Variants in HS6ST3 observed in about 807,000 individuals in gnomAD.
The protein encoded by HS6ST3 is heparan sulfate 6-O-sulfotransferase 3, also known as heparan-sulfate 6-O-sulfotransferase 3.
A neutral mutation model predicts 36.7 loss-of-function variants in HS6ST3; 12 were observed. The ratio of observed to expected loss-of-function variants is 0.33; its 90% CI spans 0.21 to 0.53. The LOEUF (loss-of-function observed/expected upper bound fraction) is 0.53. HS6ST3 is among the 20% of genes least tolerant of loss of function. The probability of loss-of-function intolerance (pLI) is 0.95; values close to 1 mark genes in which losing one functional copy is unlikely to be tolerated. For synonymous variants in HS6ST3, 240 were observed against 257.5 expected, an observed-to-expected ratio of 0.93 and a Z score of 0.65; for missense variants, 584 against 640.9, an observed-to-expected ratio of 0.91 and a Z score of 0.96.
chr13:96,490,399 A>C (rs1317130691), intron 1 of HS6ST3, among the ~76,000 whole-genome samples: 1 of 152,102 alleles, frequency 6.6e-6, no homozygotes. Flanking sequence ...ATAAACAAGC[A>C]TTTTCAGTGT....
chr13:96,657,001 G>C (rs1356889810), intron 1 of HS6ST3, among the ~76,000 whole-genome samples: 1 of 146,766 alleles, frequency 6.8e-6, no homozygotes, highest in Non-Finnish European at 1.5e-5. Context: ...GTGTGTGTGA[G>C]AGAGAGAGAG....
chr13:96,682,478 C>T (rs1318680818), intron 1 of HS6ST3, among the ~76,000 whole-genome samples: 1 of 152,074 alleles, frequency 6.6e-6, no homozygotes, highest in Non-Finnish European at 1.5e-5. Flanking sequence ...AGAATTATCA[C>T]AGGAGCTCTG....
chr13:96,440,493 AGAAAGGAAAG>A (rs544712773), intron 1 of HS6ST3, among the ~76,000 whole-genome samples: 5 of 72,162 alleles, frequency 6.9e-5, no homozygotes, highest in South Asian at 5.1e-4. Context: ...AGGGGAGAGG[AGAAAGGAAAG>A]GAAAGGAAAG....
At chr13:96,591,610 G>T (rs2056382484) in intron 1 of HS6ST3, among the ~76,000 whole-genome samples, 2 of 151,974 alleles carry the variant, frequency 1.3e-5, no homozygotes, top group African/African-American at 4.8e-5. Context: ...AATCTTTAGG[G>T]TTTTCCAAAT....
intron 1 of HS6ST3, among the ~76,000 whole-genome samples, chr13:96,324,463 A>C (rs2055020441): frequency 2.0e-5 from 3 of 152,222 alleles, no homozygotes; most frequent in Admixed American, 2.0e-4. Context: ...TATATTAAAG[A>C]ATTCAAGGGA....
chr13:96,238,109 T>C (rs1192788584), intron 1 of HS6ST3, among the ~76,000 whole-genome samples: 1 of 152,212 alleles, frequency 6.6e-6, no homozygotes, highest in African/African-American at 2.4e-5. Flanking sequence ...TCTCTCAGTC[T>C]TCCTTATCTC....
intron 1 of HS6ST3, among the ~76,000 whole-genome samples, chr13:96,205,120 T>C (rs990507295): frequency 6.6e-6 from 1 of 150,812 alleles, no homozygotes; most frequent in Non-Finnish European, 1.5e-5. Flanking sequence ...AAGAATCCAA[T>C]GAACACGATC....
Position 96,107,771 on chromosome 13 carries a change from G to A in HS6ST3, c.707+16202G>A, listed in dbSNP as rs573719563. Among the ~76,000 whole-genome samples the A allele has an allele frequency of 1.3e-4, 20 of 152,176 alleles. 1 individual carries two copies. Among genetic ancestry groups the A allele is most frequent in the African/African-American group, 3.4e-4 (14 of 41,512 alleles). On this transcript the variant is annotated intron_variant, in intron 1 of 1. Coordinates refer to ENST00000376705, the MANE Select transcript of HS6ST3 (RefSeq NM_153456.4). ...AATTTCTTACGCCTGTCTTTACTGC[G>A]GTTTCTGAACATAAATTATGAAGAT... is the stretch of plus-strand genomic sequence containing the variant.
chr13:96,208,770 T>C (rs2054384448), intron 1 of HS6ST3, among the ~76,000 whole-genome samples: 1 of 152,214 alleles, frequency 6.6e-6, no homozygotes, highest in Non-Finnish European at 1.5e-5. Context: ...TAACACACTT[T>C]GATATCCTCA....
chr13:96,606,864 T>G (rs2056440997), intron 1 of HS6ST3, among the ~76,000 whole-genome samples: 1 of 152,010 alleles, frequency 6.6e-6, no homozygotes, highest in South Asian at 2.1e-4. Context: ...AACAGATAAA[T>G]ATCTTAAAAG....
chr13:96,812,880 C>A (rs1191629691), intron 1 of HS6ST3, among the ~76,000 whole-genome samples: 1 of 152,162 alleles, frequency 6.6e-6, no homozygotes, highest in African/African-American at 2.4e-5. Flanking sequence ...CTGAAAAGCT[C>A]CATGTTTTCA....
intron 1 of HS6ST3, among the ~76,000 whole-genome samples, chr13:96,128,909 A>G (rs1205820685): frequency 1.3e-5 from 2 of 150,904 alleles, no homozygotes; most frequent in South Asian, 2.1e-4. Context: ...GCATTGGGGC[A>G]ATCTCAGCTC....
intron 1 of HS6ST3, among the ~76,000 whole-genome samples, chr13:96,501,338 A>G (rs906194031): frequency 1.8e-4 from 27 of 152,174 alleles, no homozygotes; most frequent in Non-Finnish European, 3.5e-4. Flanking sequence ...CACTACTGTA[A>G]TATACTTTTT....
chr13:96,583,516 C>T (rs2056350008), intron 1 of HS6ST3, among the ~76,000 whole-genome samples: 1 of 151,990 alleles, frequency 6.6e-6, no homozygotes, highest in South Asian at 2.1e-4. Flanking sequence ...AATGGCTTCA[C>T]TTTCTACTAA....
chr13:96,658,026 C>G (rs1165845147), intron 1 of HS6ST3, among the ~76,000 whole-genome samples: 1 of 152,046 alleles, frequency 6.6e-6, no homozygotes, highest in East Asian at 1.9e-4. Flanking sequence ...TCTGTTGTAC[C>G]TCTTCCCCAT....
chr13:96,469,062 G>A (rs902120333), intron 1 of HS6ST3, among the ~76,000 whole-genome samples: 4 of 152,074 alleles, frequency 2.6e-5, no homozygotes, highest in African/African-American at 9.7e-5. Flanking sequence ...AATGTGGTAA[G>A]GAAGTTTTTT....
At chr13:96,310,906 A>G (rs1236196918) in intron 1 of HS6ST3, among the ~76,000 whole-genome samples, 1 of 152,082 alleles carries the variant, frequency 6.6e-6, no homozygotes. Flanking sequence ...GTTGCTTCCT[A>G]CTACACCTGT....
intron 1 of HS6ST3, among the ~76,000 whole-genome samples, chr13:96,624,771 G>A (rs1005268156): frequency 2.0e-4 from 30 of 152,198 alleles, no homozygotes; most frequent in African/African-American, 7.0e-4. Flanking sequence ...CCATGATGGT[G>A]TGTGTGGTTG....
rs55776008 is a variant in HS6ST3, at chr13:96,122,110, GTATTAT to G, written c.707+30562_707+30567del. On this transcript the variant is annotated intron_variant, in intron 1 of 1. Coordinates refer to ENST00000376705, the MANE Select transcript of HS6ST3 (RefSeq NM_153456.4). ...TTAATCATCAAAATAACCCTTTCAG[GTATTAT>G]TATTATTATTATTATTATTACTATT... is the stretch of plus-strand genomic sequence containing the variant. 6.5e-4 allele frequency among the ~76,000 whole-genome samples: 94 copies of G among 145,168 alleles called. 3 individuals carry two copies. The East Asian group carries it at 0.016, about 24-fold the overall frequency.
Sources: gnomAD v4.1 joint callset for allele counts (sites outside exome capture counted in the v4.1 genomes callset) on GRCh38, gnomAD v4.1.1 for gene constraint, MANE v1.5 for transcripts, NCBI Gene and HGNC (gene_info 2026-07-23, HGNC 2026-07-21) for gene names.